The following MTHFD1 variants were observed in gnomAD, a reference collection of about 807,000 sequenced individuals.
The protein encoded by MTHFD1 is methylenetetrahydrofolate dehydrogenase, cyclohydrolase and formyltetrahydrofolate synthetase 1, also known as C-1-tetrahydrofolate synthase, cytoplasmic.
A neutral mutation model predicts 110.3 loss-of-function variants in MTHFD1; 44 were observed. That is an observed-to-expected ratio of 0.40 (90% confidence interval 0.31 to 0.51). The LOEUF (loss-of-function observed/expected upper bound fraction) is 0.51. Ranked by LOEUF, MTHFD1 falls within the 20% of genes least tolerant of loss-of-function variation. The pLI is 0.60. For missense variants in MTHFD1, 909 were observed against 1,173.1 expected (o/e 0.77, Z 3.29); for synonymous variants, 402 against 428.8 (o/e 0.94, Z 0.77).
chr14:64,433,615 G>A (rs747332087), intron 15 of MTHFD1, among the ~76,000 whole-genome samples: 19 of 151,186 alleles, frequency 1.3e-4, no homozygotes, highest in Admixed American at 7.3e-4. Flanking sequence ...GGGTTTTGCC[G>A]TGTTGCCCAG....
chr14:64,406,567 A>C (rs1242584378), intron 2 of MTHFD1, among the ~76,000 whole-genome samples: 1 of 142,502 alleles, frequency 7.0e-6, no homozygotes, highest in African/African-American at 2.7e-5. Flanking sequence ...ATCACAGTTC[A>C]TTGCAGCCTG....
At chr14:64,418,988 C>G (rs2078048612) in intron 7 of MTHFD1, among the ~76,000 whole-genome samples, 1 of 152,048 alleles carries the variant, frequency 6.6e-6, no homozygotes, top group African/African-American at 2.4e-5. Context: ...TTCTGAGTAG[C>G]TGGGACTACA....
chr14:64,430,780 A>G (rs2078976055), intron 13 of MTHFD1, among the ~76,000 whole-genome samples: 1 of 152,210 alleles, frequency 6.6e-6, no homozygotes, highest in African/African-American at 2.4e-5. Context: ...TAAGCAAATG[A>G]CCAAATGAAG....
At chr14:64,421,139 C>G (rs186077741) in intron 8 of MTHFD1, among the ~76,000 whole-genome samples, 1 of 152,116 alleles carries the variant, frequency 6.6e-6, no homozygotes, top group African/African-American at 2.4e-5. Context: ...TTGATTTCCC[C>G]TTATCAAGGG....
At chr14:64,450,303 C>G (rs1228846263) in intron 24 of MTHFD1, among the ~76,000 whole-genome samples, 3 of 152,214 alleles carry the variant, frequency 2.0e-5, no homozygotes, top group Non-Finnish European at 4.4e-5. Context: ...TGGTAAGGGG[C>G]TGCATCGAGC....
At chr14:64,422,106 T>C (rs1197212512) in intron 8 of MTHFD1, among the ~76,000 whole-genome samples, 1 of 152,248 alleles carries the variant, frequency 6.6e-6, no homozygotes, top group East Asian at 1.9e-4. Context: ...TGATTCCTTA[T>C]GTAGACAATA....
intron 24 of MTHFD1, among the ~76,000 whole-genome samples, chr14:64,451,172 A>G (rs1330509348): frequency 6.6e-6 from 1 of 152,158 alleles, no homozygotes; most frequent in African/African-American, 2.4e-5. Flanking sequence ...CTCAAAAAAA[A>G]AATTTTGTTT....
At chr14:64,431,687 T>C (rs758257607) in intron 14 of MTHFD1, 48 bp downstream of exon 14, 1 of 1,601,466 alleles carries the variant, frequency 6.2e-7, no homozygotes, top group Non-Finnish European at 8.6e-7. Flanking sequence ...TTTGAAAGTA[T>C]TGAACCATCT....
At chr14:64,391,745 A>G (rs1006268793) in intron 1 of MTHFD1, among the ~76,000 whole-genome samples, 1 of 152,202 alleles carries the variant, frequency 6.6e-6, no homozygotes, top group South Asian at 2.1e-4. Flanking sequence ...TGCAGCCTGA[A>G]TTTGACAACC....
At chr14:64,430,126 T>A in intron 12 of MTHFD1, 58 bp from the exon 13 acceptor site, 3 of 1,438,220 alleles carry the variant, frequency 2.1e-6, no homozygotes. Context: ...TTTATTTGAT[T>A]TCTAAGTCAT....
chr14:64,393,253 G>A (rs905669291), intron 1 of MTHFD1, among the ~76,000 whole-genome samples: 7 of 152,088 alleles, frequency 4.6e-5, no homozygotes, highest in African/African-American at 1.7e-4. Context: ...TACAAAATTA[G>A]CTGGGCATGG....
intron 22 of MTHFD1, among the ~76,000 whole-genome samples, chr14:64,447,552 C>A (rs2078302264): frequency 6.7e-6 from 1 of 148,172 alleles, no homozygotes; most frequent in African/African-American, 2.5e-5. Flanking sequence ...CAAGTGGATT[C>A]TCCTGCCTCA....
intron 2 of MTHFD1, among the ~76,000 whole-genome samples, chr14:64,408,607 A>G (rs939417048): frequency 3.3e-5 from 5 of 152,114 alleles, no homozygotes; most frequent in Admixed American, 6.5e-5. Context: ...CGTTCTTTAA[A>G]CATTCTTTTT....
intron 26 of MTHFD1, among the ~76,000 whole-genome samples, chr14:64,455,860 A>C (rs1295779996): frequency 2.0e-5 from 3 of 152,204 alleles, no homozygotes; most frequent in Non-Finnish European, 4.4e-5. Flanking sequence ...ATCACATCAC[A>C]GTGGTGCTTA....
intron 13 of MTHFD1, among the ~76,000 whole-genome samples, chr14:64,430,586 G>A (rs1368217571): frequency 2.0e-5 from 3 of 152,148 alleles, no homozygotes; most frequent in Admixed American, 6.5e-5. Context: ...GTGAGCCACC[G>A]CACCCAGCCT....
intron 24 of MTHFD1, among the ~76,000 whole-genome samples, chr14:64,452,406 GC>G (rs2078387295): frequency 6.6e-6 from 1 of 152,162 alleles, no homozygotes; most frequent in Non-Finnish European, 1.5e-5. Flanking sequence ...GAGTAGCTTT[GC>G]TTCTGATTTC....
intron 21 of MTHFD1, among the ~76,000 whole-genome samples, chr14:64,443,490 T>C (rs1285823878): frequency 6.6e-6 from 1 of 152,214 alleles, no homozygotes; most frequent in Non-Finnish European, 1.5e-5. Context: ...GAGAGAATGA[T>C]AATGAGAGTA....
chr14:64,453,773 T>TCATTGCA lies in MTHFD1; in HGVS notation c.2479_2480insTTGCACA (p.Arg827IlefsTer14). On this transcript the variant is annotated frameshift_variant, in exon 25 of 28. Coordinates refer to ENST00000652337, the MANE Select transcript of MTHFD1 (RefSeq NM_005956.4). LOFTEE classifies it high-confidence loss of function. ...CATTAGCTCCCAGTTGAGGATAAAA[T>TCATTGCA]CAGGATCATTGCACAGAAGATCTAT... The TCATTGCA allele has an allele frequency of 1.9e-6, 3 of 1,610,666 alleles. No homozygotes were observed. Among genetic ancestry groups the TCATTGCA allele is most frequent in the Non-Finnish European group, 2.5e-6 (3 of 1,177,026 alleles).
At chr14:64,457,938 G>A (rs559790128) in intron 26 of MTHFD1, 15 of 542,116 alleles carry the variant, frequency 2.8e-5, no homozygotes, top group South Asian at 6.7e-5. Context: ...TTGCTCTGTC[G>A]CCCAGGCAAT....
Sources: gnomAD v4.1 joint callset for allele counts (sites outside exome capture counted in the v4.1 genomes callset) on GRCh38, gnomAD v4.1.1 for gene constraint, MANE v1.5 for transcripts, NCBI Gene and HGNC (gene_info 2026-07-23, HGNC 2026-07-21) for gene names.